ISCA1: variants seen among roughly 807,000 people sequenced by gnomAD.
ISCA1 encodes iron-sulfur cluster assembly 1 homolog, mitochondrial.
Under a neutral mutation model 14.7 loss-of-function variants are expected in ISCA1, and 9 were observed. The ratio of observed to expected loss-of-function variants is 0.61; its 90% CI spans 0.37 to 1.07. The LOEUF (loss-of-function observed/expected upper bound fraction) is 1.07, where lower values mean the gene tolerates loss of function less well. Among genes scored for constraint, ISCA1 ranks in the 50% least tolerant of loss-of-function variants. The pLI is 0.01. For missense variants in ISCA1, 102 were observed against 150.1 expected (o/e 0.68, Z 1.67); for synonymous variants, 38 against 54.3 (o/e 0.70, Z 1.32).
chr9:86,272,030 G>A lies in ISCA1; in HGVS notation c.218C>T (p.Ser73Phe), dbSNP rs1376283504. ...TLEYTKTKGD[S>F]DEEVIQDGVR... ...ACCATCTTGAATAACTTCTTCATCA[G>A]AATCTCCTTTTGTCTTTGTATATTC... The change falls in exon 3 of 4, where the codon TCT becomes TTT. Residue 73 changes from serine (S) to phenylalanine (F), a missense_variant. By Grantham distance (155) the Ser-to-Phe change is radical. Transcript: ENST00000375991. The A allele has an allele frequency of 2.5e-6, 4 of 1,598,494 alleles. No individual in the cohort carries two copies. The highest frequency in any genetic ancestry group is 3.4e-6 in the Non-Finnish European group (4 of 1,167,730).
chr9:86,274,147 C>T (rs748431906), intron 2 of ISCA1, 42 bp downstream of exon 2: 4 of 1,080,776 alleles, frequency 3.7e-6, no homozygotes, highest in Non-Finnish European at 4.3e-6. Context: ...TCTGAAAATG[C>T]AGCTTCAGTT....
chr9:86,266,699 C>T (rs1179094896), intron 3 of ISCA1, among the ~76,000 whole-genome samples: 1 of 152,002 alleles, frequency 6.6e-6, no homozygotes, highest in Non-Finnish European at 1.5e-5. Context: ...CTAGTAATTA[C>T]ACAGGTAGAG....
At chr9:86,274,948 T>C (rs892456949) in intron 1 of ISCA1, among the ~76,000 whole-genome samples, 1 of 152,130 alleles carries the variant, frequency 6.6e-6, no homozygotes, top group African/African-American at 2.4e-5. Context: ...GGCCTCAAAA[T>C]GAGAAAAACA....
At chr9:86,280,610 A>G (rs564926204) in intron 1 of ISCA1, among the ~76,000 whole-genome samples, 1,608 of 151,422 alleles carry the variant, frequency 0.011, 37 homozygotes, top group African/African-American at 0.037. Flanking sequence ...AAAAAAAAAA[A>G]AAAAGAAATT....
chr9:86,267,279 T>A, intron 3 of ISCA1: 1 of 811,676 alleles, frequency 1.2e-6, no homozygotes, highest in Non-Finnish European at 1.5e-6. Context: ...TACAAGAAAT[T>A]GAGCCATTAG....
intron 2 of ISCA1, 35 bp downstream of exon 2, chr9:86,274,152 TCA>T (rs1429739045): frequency 1.7e-6 from 2 of 1,152,046 alleles, no homozygotes; most frequent in Admixed American, 3.5e-5. Flanking sequence ...AAATGCAGCT[TCA>T]GTTTTTTACT....
intron 3 of ISCA1, among the ~76,000 whole-genome samples, chr9:86,268,644 TG>T (rs1825323597): frequency 6.6e-6 from 1 of 152,176 alleles, no homozygotes; most frequent in African/African-American, 2.4e-5. Context: ...GCAAGTTCCA[TG>T]CATGGTAACT....
intron 1 of ISCA1, chr9:86,282,151 A>C: frequency 2.7e-5 from 15 of 551,794 alleles, no homozygotes; most frequent in African/African-American, 4.0e-5. Context: ...CCTGACGGGA[A>C]ACGTAGTTTC....
chr9:86,278,272 TAG>T (rs1237378919), intron 1 of ISCA1, among the ~76,000 whole-genome samples: 8 of 152,068 alleles, frequency 5.3e-5, no homozygotes, highest in African/African-American at 1.9e-4. Context: ...TGGCTGGCAT[TAG>T]AGTGTCAAAA....
Position 86,282,397 on chromosome 9 carries a change from G to C in ISCA1, c.62C>G (p.Thr21Ser). The change falls in exon 1 of 4, where the codon ACC becomes AGC. Residue 21 changes from threonine (T) to serine (S), a missense_variant. By Grantham distance (58) the Thr-to-Ser change is moderately conservative. Coordinates refer to ENST00000375991, the MANE Select transcript of ISCA1 (RefSeq NM_030940.4). Reference sequence around the variant, plus strand: ...ACTCACCAGGGTGAGGGCTGCCCGGGTGGGCTGCAGCTTCCTCTTGCTCAC... The same window carrying C: ...ACTCACCAGGGTGAGGGCTGCCCGGCTGGGCTGCAGCTTCCTCTTGCTCAC... ...RAVSKRKLQPTRAALTLTPSA... is the reference protein window; with the variant it reads ...RAVSKRKLQPSRAALTLTPSA... 6.4e-7 allele frequency: 1 copy of C among 1,552,624 alleles called. No individual in the cohort carries two copies. The highest frequency in any genetic ancestry group is 8.7e-7 in the Non-Finnish European group (1 of 1,148,092).
chr9:86,282,529 C>T lies in ISCA1; in HGVS notation c.-71G>A. Reference sequence around the variant, plus strand: ...CCTCAGCTTCTCTCCATGGACACGGCGGGCGCATTGACGCCACAAGCTTCG... The same window carrying T: ...CCTCAGCTTCTCTCCATGGACACGGTGGGCGCATTGACGCCACAAGCTTCG... On this transcript the variant is annotated 5_prime_UTR_variant, in exon 1 of 4. Transcript: ENST00000375991. 6.5e-7 allele frequency: 1 copy of T among 1,549,350 alleles called. No homozygotes were observed. Among genetic ancestry groups the T allele is most frequent in the Non-Finnish European group, 8.7e-7 (1 of 1,146,414 alleles).
chr9:86,282,117 G>A lies in ISCA1; in HGVS notation c.81+261C>T, dbSNP rs569233047. ...GACGCCCACCCCCGGGATCCCCTCC[G>A]GCCCGCACGCGGTTGCCGCGCGGCC... On this transcript the variant is annotated intron_variant, in intron 1 of 3. Transcript: ENST00000375991. 7.8e-6 allele frequency: 4 copies of A among 511,026 alleles called. No individual in the cohort carries two copies. In the South Asian group the frequency reaches 1.1e-4, roughly 14 times the overall value. The allele number at this position is 511,026 out of a possible 1,614,324, so 31.7% of individuals were successfully genotyped here.
chr9:86,268,881 G>C (rs531211474), intron 3 of ISCA1, among the ~76,000 whole-genome samples: 2 of 151,958 alleles, frequency 1.3e-5, no homozygotes, highest in African/African-American at 4.8e-5. Flanking sequence ...TGCAACCTCC[G>C]CCTCCTGGGG....
intron 3 of ISCA1, chr9:86,267,333 T>A: frequency 1.2e-6 from 1 of 831,404 alleles, no homozygotes; most frequent in Non-Finnish European, 1.4e-6. Context: ...TTCTTTAAGA[T>A]GAAAATCTTA....
At chr9:86,278,872 A>G (rs972076310) in intron 1 of ISCA1, among the ~76,000 whole-genome samples, 3 of 152,204 alleles carry the variant, frequency 2.0e-5, no homozygotes, top group African/African-American at 7.2e-5. Context: ...AAGATTAAAT[A>G]ATTTGCACAG....
At chr9:86,278,357 A>G (rs1825467706) in intron 1 of ISCA1, among the ~76,000 whole-genome samples, 1 of 152,230 alleles carries the variant, frequency 6.6e-6, no homozygotes, top group South Asian at 2.1e-4. Context: ...TCCAAAATAC[A>G]TATAATATAC....
intron 1 of ISCA1, among the ~76,000 whole-genome samples, chr9:86,281,241 T>C (rs1454808295): frequency 1.3e-5 from 2 of 152,232 alleles, no homozygotes; most frequent in East Asian, 3.8e-4. Flanking sequence ...ACACTAGTAG[T>C]ACCATATATA....
chr9:86,277,579 G>T (rs1235143170), intron 1 of ISCA1, among the ~76,000 whole-genome samples: 1 of 152,178 alleles, frequency 6.6e-6, no homozygotes, highest in African/African-American at 2.4e-5. Context: ...GCAACTTTGT[G>T]CTTAGGTAAA....
intron 1 of ISCA1, among the ~76,000 whole-genome samples, chr9:86,278,739 A>G (rs571082437): frequency 6.6e-6 from 1 of 152,198 alleles, no homozygotes; most frequent in Non-Finnish European, 1.5e-5. Flanking sequence ...ACAATTTAAC[A>G]AATTATTTTT....
Sources: allele counts gnomAD v4.1 joint callset (sites outside exome capture counted in the v4.1 genomes callset), GRCh38; gene constraint gnomAD v4.1.1; transcripts MANE v1.5; gene names NCBI Gene and HGNC (gene_info 2026-07-23, HGNC 2026-07-21).